The following STMN2 variants were observed in gnomAD, a reference collection of about 807,000 sequenced individuals.
The protein encoded by STMN2 is stathmin-2.
STMN2 carries 2 observed loss-of-function variants against 24.1 expected under a neutral mutation model. That is an observed-to-expected ratio of 0.08 (90% confidence interval 0.03 to 0.26). The LOEUF (loss-of-function observed/expected upper bound fraction) is 0.26. STMN2 is among the 10% of genes least tolerant of loss of function. The pLI is 1.00. For missense variants in STMN2, 114 were observed against 213.6 expected (o/e 0.53, Z 2.91); for synonymous variants, 83 against 77.5 (o/e 1.07, Z -0.37).
At chr8:79,654,050 A>C (rs1286188289) in intron 3 of STMN2, among the ~76,000 whole-genome samples, 1 of 152,204 alleles carries the variant, frequency 6.6e-6, no homozygotes, top group Non-Finnish European at 1.5e-5. Flanking sequence ...GATGCTTATC[A>C]CTGGGCCTCA....
intron 4 of STMN2, among the ~76,000 whole-genome samples, chr8:79,656,103 TTC>T (rs1806354953): frequency 6.6e-6 from 1 of 152,242 alleles, no homozygotes; most frequent in Admixed American, 6.5e-5. Context: ...TCTGTTTTCA[TTC>T]TCAGTCTCTG....
chr8:79,655,277 T>A (rs1033134796), intron 4 of STMN2, among the ~76,000 whole-genome samples: 1 of 152,164 alleles, frequency 6.6e-6, no homozygotes, highest in African/African-American at 2.4e-5. Flanking sequence ...TGGAATTTTG[T>A]CAAATTTTCC....
chr8:79,635,030 A>T (rs1809909796), intron 1 of STMN2, among the ~76,000 whole-genome samples: 1 of 152,234 alleles, frequency 6.6e-6, no homozygotes, highest in Non-Finnish European at 1.5e-5. Flanking sequence ...TTAATTTATT[A>T]ATTTTACTAA....
At position 79,664,850 on chromosome 8, in the gene STMN2, A is replaced by G. The variant is rs1806569001; in HGVS notation, c.516A>G (p.Glu172=). Residue 172 remains glutamate, a synonymous_variant, in exon 5 of 5, where the codon GAA becomes GAG. Coordinates refer to ENST00000220876, the MANE Select transcript of STMN2 (RefSeq NM_007029.4). The part of the protein sequence containing the change: ...RHAAEVRRNK[E]LQVELSG ...CTGCGGAGGTGCGCAGGAACAAGGA[A>G]CTCCAGGTTGAACTGTCTGGCTGAA... 1.2e-6 allele frequency: 2 copies of G among 1,613,092 alleles called. No homozygotes were observed. Among genetic ancestry groups the G allele is most frequent in the Non-Finnish European group, 1.7e-6 (2 of 1,179,530 alleles).
chr8:79,634,985 G>C (rs1039048), intron 1 of STMN2, among the ~76,000 whole-genome samples: 24,999 of 152,088 alleles, frequency 0.16, 2,711 homozygotes, highest in East Asian at 0.41. Context: ...TCACAAGTTA[G>C]TGCACAGTAT....
chr8:79,630,029 C>T (rs547429765), intron 1 of STMN2, among the ~76,000 whole-genome samples: 37 of 152,272 alleles, frequency 2.4e-4, no homozygotes, highest in African/African-American at 8.4e-4. Flanking sequence ...GGAATTAAAT[C>T]ATGATATAAC....
chr8:79,650,120 T>C (rs1435580662), intron 3 of STMN2, among the ~76,000 whole-genome samples: 1 of 152,250 alleles, frequency 6.6e-6, no homozygotes, highest in African/African-American at 2.4e-5. Context: ...CCTTGACATT[T>C]GCATTATATC....
intron 1 of STMN2, among the ~76,000 whole-genome samples, chr8:79,621,498 T>C (rs1056366920): frequency 3.3e-5 from 5 of 152,242 alleles, no homozygotes; most frequent in African/African-American, 1.2e-4. Context: ...TCAGACGTTT[T>C]GCAGTTCTTG....
intron 1 of STMN2, among the ~76,000 whole-genome samples, chr8:79,624,379 G>A (rs1012068800): frequency 2.0e-5 from 3 of 150,348 alleles, no homozygotes; most frequent in Non-Finnish European, 3.0e-5. Flanking sequence ...GCGTGAATCC[G>A]GGAGGGGGAG....
intron 1 of STMN2, among the ~76,000 whole-genome samples, chr8:79,615,381 G>A (rs1563431769): frequency 6.6e-6 from 1 of 152,204 alleles, no homozygotes; most frequent in Non-Finnish European, 1.5e-5. Flanking sequence ...TGGCCACTGG[G>A]AGCTGCTGAT....
intron 4 of STMN2, among the ~76,000 whole-genome samples, chr8:79,662,873 C>T (rs1272433071): frequency 2.6e-5 from 4 of 151,958 alleles, no homozygotes; most frequent in African/African-American, 9.7e-5. Flanking sequence ...CAATTTTTGC[C>T]AGAGCTCAGC....
intron 4 of STMN2, chr8:79,663,586 A>G (rs1364304766): frequency 6.6e-7 from 1 of 1,525,638 alleles, no homozygotes. Flanking sequence ...ATAGCTGGTC[A>G]AGTTTATTTC....
intron 1 of STMN2, among the ~76,000 whole-genome samples, chr8:79,631,211 CT>C (rs1003372826): frequency 1.5e-4 from 23 of 152,108 alleles, no homozygotes; most frequent in African/African-American, 4.6e-4. Flanking sequence ...GTTTCTTTTC[CT>C]TGTCACTATC....
intron 1 of STMN2, among the ~76,000 whole-genome samples, chr8:79,629,162 C>G (rs1809737356): frequency 6.6e-6 from 1 of 152,184 alleles, no homozygotes; most frequent in Admixed American, 6.5e-5. Context: ...ACTCACCTCA[C>G]AGGCTCTGTT....
chr8:79,634,092 T>C (rs1809880496), intron 1 of STMN2, among the ~76,000 whole-genome samples: 2 of 152,230 alleles, frequency 1.3e-5, no homozygotes, highest in Non-Finnish European at 2.9e-5. Context: ...ATGCTTCATG[T>C]GTTTCTAATA....
At chr8:79,612,072 C>T (rs990091641) in intron 1 of STMN2, among the ~76,000 whole-genome samples, 1 of 56,992 alleles carries the variant, frequency 1.8e-5, no homozygotes, top group Non-Finnish European at 3.7e-5. Flanking sequence ...GCAGCCCCGC[C>T]CCCCCGCCCG....
intron 3 of STMN2, among the ~76,000 whole-genome samples, chr8:79,642,579 T>C (rs1259567311): frequency 6.6e-6 from 1 of 152,138 alleles, no homozygotes. Flanking sequence ...TGTTGGATAA[T>C]TAAAAACAGA....
chr8:79,623,174 G>C (rs1809558817), intron 1 of STMN2, among the ~76,000 whole-genome samples: 1 of 152,186 alleles, frequency 6.6e-6, no homozygotes, highest in Non-Finnish European at 1.5e-5. Context: ...CCTTAGATGA[G>C]TATGGTGATG....
At chr8:79,627,409 G>C (rs1423149357) in intron 1 of STMN2, among the ~76,000 whole-genome samples, 1 of 152,130 alleles carries the variant, frequency 6.6e-6, no homozygotes, top group Non-Finnish European at 1.5e-5. Context: ...AAATGCACAG[G>C]TTATTCCAAT....
Sources: allele counts gnomAD v4.1 joint callset (sites outside exome capture counted in the v4.1 genomes callset), GRCh38; gene constraint gnomAD v4.1.1; transcripts MANE v1.5; gene names NCBI Gene and HGNC (gene_info 2026-07-23, HGNC 2026-07-21).